Variants in DCDC1 observed in about 807,000 individuals in gnomAD.
DCDC1 encodes the protein doublecortin domain containing 1.
Under a neutral mutation model 178.3 loss-of-function variants are expected in DCDC1, and 200 were observed. The observed-to-expected ratio is 1.12, with a 90% CI of 1.00 to 1.26. DCDC1 has a LOEUF of 1.26. Ranked by LOEUF, DCDC1 falls within the 50% of genes most tolerant of loss-of-function variation. The pLI is 0.00. For synonymous variants in DCDC1, 690 were observed against 604.8 expected (o/e 1.14, Z -2.07); for missense variants, 1,983 against 1,749.2 (o/e 1.13, Z -2.38).
intron 1 of DCDC1, among the ~76,000 whole-genome samples, chr11:31,355,131 C>T (rs1951273282): frequency 6.6e-6 from 1 of 152,024 alleles, no homozygotes; most frequent in Non-Finnish European, 1.5e-5. Flanking sequence ...TGGAGTGGTG[C>T]TTAAAATATA....
At chr11:31,273,586 C>A (rs1012960373) in intron 7 of DCDC1, among the ~76,000 whole-genome samples, 2 of 152,172 alleles carry the variant, frequency 1.3e-5, no homozygotes, top group African/African-American at 4.8e-5. Flanking sequence ...CAACAAGTCT[C>A]TAGGGAGCTC....
chr11:31,355,786 C>T (rs1438181658), intron 1 of DCDC1, among the ~76,000 whole-genome samples: 1 of 152,100 alleles, frequency 6.6e-6, no homozygotes, highest in Admixed American at 6.5e-5. Context: ...CCAGGCCGGT[C>T]TCGAGCTCCC....
At chr11:31,234,647 G>C (rs1028814488) in intron 9 of DCDC1, among the ~76,000 whole-genome samples, 6 of 151,842 alleles carry the variant, frequency 4.0e-5, no homozygotes, top group Admixed American at 2.0e-4. Context: ...AGTTCTTCAA[G>C]GAAAAAAAAT....
Position 30,931,808 on chromosome 11 carries a change from T to C in DCDC1, c.2860A>G (p.Ile954Val). 2 of 1,612,686 alleles carry C rather than the reference T, an allele frequency of 1.2e-6. No homozygotes were observed. Among genetic ancestry groups the C allele is most frequent in the Middle Eastern group, 1.7e-4 (1 of 6,048 alleles). ...GEKNKNRSVT[I>V]LGPDISPGRK... ...CCAGGTGAGATATCTGGACCAAGGATAGTAACGGATCTGTTTTTATTCTTC... is the reference window on the plus strand; with the variant it reads ...CCAGGTGAGATATCTGGACCAAGGACAGTAACGGATCTGTTTTTATTCTTC... The change falls in exon 22 of 39, where the codon ATC becomes GTC. Residue 954 changes from isoleucine (I) to valine (V), a missense_variant. Coordinates refer to ENST00000684477, the MANE Select transcript of DCDC1 (RefSeq NM_001387274.1).
intron 20 of DCDC1, among the ~76,000 whole-genome samples, chr11:30,974,112 A>G (rs2134716281): frequency 6.6e-6 from 1 of 152,220 alleles, no homozygotes; most frequent in South Asian, 2.1e-4. Context: ...AATACATAGA[A>G]ATTAAACATT....
rs1025973654 is a variant in DCDC1 at position 30,916,754 on chromosome 11, T to C, written c.3452+116A>G. 5.9e-6 allele frequency: 7 copies of C among 1,177,670 alleles called. No individual in the cohort carries two copies. In the South Asian group the frequency reaches 1.1e-4, roughly 18 times the overall value. 73.0% of individuals were successfully genotyped at this position (1,177,670 alleles called of 1,614,324 possible). ...CAAAAACATAAGACAAAAATGTGCA[T>C]GTTGATAGAAACAGCAGCTAACAGC... On this transcript the variant is annotated intron_variant, in intron 26 of 38. Transcript: ENST00000684477.
chr11:30,980,097 T>C (rs755637762), intron 20 of DCDC1, among the ~76,000 whole-genome samples: 1 of 152,202 alleles, frequency 6.6e-6, no homozygotes, highest in African/African-American at 2.4e-5. Context: ...TGGTATCTAT[T>C]TCTACTAGGC....
At chr11:31,222,231 T>G (rs1049712301) in intron 9 of DCDC1, among the ~76,000 whole-genome samples, 2 of 151,860 alleles carry the variant, frequency 1.3e-5, no homozygotes, top group African/African-American at 4.8e-5. Flanking sequence ...TCCAGCTAAT[T>G]TTTTGTATTT....
chr11:31,138,962 C>CCCA (rs1963492758), intron 9 of DCDC1, among the ~76,000 whole-genome samples: 1 of 151,856 alleles, frequency 6.6e-6, no homozygotes, highest in African/African-American at 2.4e-5. Flanking sequence ...TTCTGATGAT[C>CCCA]ACCCTAGATA....
At chr11:31,217,425 C>G (rs1240626766) in intron 9 of DCDC1, among the ~76,000 whole-genome samples, 13 of 152,122 alleles carry the variant, frequency 8.5e-5, no homozygotes, top group Admixed American at 8.5e-4. Flanking sequence ...GAAAAGCTGT[C>G]ATAGTAAGTT....
chr11:31,323,980 A>G (rs1949514858), intron 3 of DCDC1, among the ~76,000 whole-genome samples: 1 of 152,136 alleles, frequency 6.6e-6, no homozygotes, highest in African/African-American at 2.4e-5. Flanking sequence ...AAAGTAAAAA[A>G]TTCCCCAAAA....
intron 1 of DCDC1, among the ~76,000 whole-genome samples, chr11:31,346,061 A>G (rs1002877984): frequency 5.9e-5 from 9 of 152,226 alleles, no homozygotes; most frequent in Admixed American, 5.2e-4. Context: ...TAAACACAGG[A>G]ATACCTATGA....
chr11:31,014,923 G>A lies in DCDC1; in HGVS notation c.2591+49546C>T, dbSNP rs367679019. On this transcript the variant is annotated intron_variant, in intron 20 of 38. Coordinates refer to ENST00000684477, the MANE Select transcript of DCDC1 (RefSeq NM_001387274.1). ...TTTAAATTTCATTCATTATGGCAAG[G>A]TTTAAAGCATCTAACATTCTCCTTT... Among the ~76,000 whole-genome samples, 4 of 151,374 alleles carry A rather than the reference G, an allele frequency of 2.6e-5. No homozygotes were observed. In the East Asian group the frequency reaches 7.8e-4, roughly 29 times the overall value.
At chr11:30,932,014 T>G in intron 21 of DCDC1, 62 bp from the exon 22 acceptor site, 1 of 1,434,494 alleles carries the variant, frequency 7.0e-7, no homozygotes, top group Non-Finnish European at 9.2e-7. Context: ...GTCTAGATTT[T>G]TAAAAATATT....
intron 28 of DCDC1, among the ~76,000 whole-genome samples, chr11:30,910,222 G>A (rs988842023): frequency 1.8e-4 from 28 of 152,252 alleles, no homozygotes; most frequent in South Asian, 1.5e-3. Flanking sequence ...AAATTACCTT[G>A]GGGTCAAATT....
At chr11:31,113,859 G>C (rs1959410015) in intron 11 of DCDC1, among the ~76,000 whole-genome samples, 1 of 152,120 alleles carries the variant, frequency 6.6e-6, no homozygotes, top group Non-Finnish European at 1.5e-5. Flanking sequence ...AAAAGTTTTA[G>C]GATTGATGCC....
chr11:31,310,452 G>A (rs1331984420), intron 3 of DCDC1, among the ~76,000 whole-genome samples: 2 of 150,778 alleles, frequency 1.3e-5, no homozygotes, highest in Non-Finnish European at 2.9e-5. Flanking sequence ...CTGAGTAGCT[G>A]AGACTACAGG....
chr11:31,247,855 C>T (rs1039076396), intron 8 of DCDC1, among the ~76,000 whole-genome samples: 1 of 152,020 alleles, frequency 6.6e-6, no homozygotes, highest in African/African-American at 2.4e-5. Context: ...TTTGAAAATA[C>T]AAGGATTTTG....
chr11:31,349,648 A>T (rs1305781419), intron 1 of DCDC1, among the ~76,000 whole-genome samples: 1 of 152,102 alleles, frequency 6.6e-6, no homozygotes, highest in Non-Finnish European at 1.5e-5. Flanking sequence ...TTTTGTTTTT[A>T]GTCTTTATGA....
Sources: gnomAD v4.1 joint callset for allele counts (sites outside exome capture counted in the v4.1 genomes callset) on GRCh38, gnomAD v4.1.1 for gene constraint, MANE v1.5 for transcripts, NCBI Gene and HGNC (gene_info 2026-07-23, HGNC 2026-07-21) for gene names.